The following PDSS2 variants were observed in gnomAD, a reference collection of about 807,000 sequenced individuals.
PDSS2 encodes the protein all trans-polyprenyl-diphosphate synthase PDSS2.
In PDSS2, 31 loss-of-function variants were observed where a neutral mutation model predicts 44.5. The observed-to-expected ratio is 0.70, with a 90% CI of 0.52 to 0.94. The LOEUF (loss-of-function observed/expected upper bound fraction) is 0.94, where lower values mean the gene tolerates loss of function less well. Among genes scored for constraint, PDSS2 ranks in the 40% least tolerant of loss-of-function variants. The pLI, the probability that PDSS2 is intolerant of heterozygous loss-of-function variation, is 0.00. For missense variants in PDSS2, 452 were observed against 482.2 expected, an observed-to-expected ratio of 0.94 and a Z score of 0.59; for synonymous variants, 157 against 180.3, an observed-to-expected ratio of 0.87 and a Z score of 1.03.
chr6:107,167,728 G>A (rs569612597), intron 7 of PDSS2, among the ~76,000 whole-genome samples: 152 of 152,188 alleles, frequency 1.0e-3, no homozygotes, highest in African/African-American at 3.3e-3. Flanking sequence ...CCTTCATTTC[G>A]TTATGTACCC....
At chr6:107,276,435 C>A (rs1475922200) in intron 2 of PDSS2, among the ~76,000 whole-genome samples, 2 of 152,136 alleles carry the variant, frequency 1.3e-5, no homozygotes, top group Admixed American at 1.3e-4. Context: ...GGGTGGATAA[C>A]TTGTCCTTTT....
chr6:107,339,732 G>T (rs558206878), intron 1 of PDSS2, among the ~76,000 whole-genome samples: 14 of 152,164 alleles, frequency 9.2e-5, no homozygotes, highest in Non-Finnish European at 1.9e-4. Flanking sequence ...AAACAGGTAA[G>T]GGGGGTATAT....
chr6:107,454,961 G>T (rs1781989041), intron 1 of PDSS2, among the ~76,000 whole-genome samples: 1 of 151,972 alleles, frequency 6.6e-6, no homozygotes, highest in Non-Finnish European at 1.5e-5. Flanking sequence ...CACCCCAAAA[G>T]TTTCTTCATT....
At chr6:107,176,319 G>A (rs113149706) in intron 7 of PDSS2, among the ~76,000 whole-genome samples, 3,367 of 152,048 alleles carry the variant, frequency 0.022, 123 homozygotes, top group African/African-American at 0.075. Context: ...TGGGATTACA[G>A]GTTGAGCCCC....
At chr6:107,275,148 T>C (rs1239149238) in intron 2 of PDSS2, among the ~76,000 whole-genome samples, 3 of 152,222 alleles carry the variant, frequency 2.0e-5, no homozygotes, top group Non-Finnish European at 4.4e-5. Flanking sequence ...ACTATATTTA[T>C]TACACGGGAA....
At chr6:107,196,099 CA>C (rs1421454168) in intron 6 of PDSS2, among the ~76,000 whole-genome samples, 1 of 152,102 alleles carries the variant, frequency 6.6e-6, no homozygotes, top group African/African-American at 2.4e-5. Flanking sequence ...TGCATTGTAC[CA>C]ACAGGAATAT....
intron 6 of PDSS2, among the ~76,000 whole-genome samples, chr6:107,198,936 C>T (rs1275903753): frequency 2.0e-5 from 3 of 152,178 alleles, no homozygotes; most frequent in African/African-American, 7.2e-5. Flanking sequence ...GTCAAGGCTG[C>T]AGTGAGCTGT....
intron 2 of PDSS2, among the ~76,000 whole-genome samples, chr6:107,308,707 G>A (rs966554356): frequency 2.0e-5 from 3 of 152,198 alleles, no homozygotes; most frequent in Non-Finnish European, 4.4e-5. Context: ...ATGCAAGGAC[G>A]TTGCTGCTAC....
chr6:107,340,920 T>TA (rs372182529), intron 1 of PDSS2, among the ~76,000 whole-genome samples: 37 of 152,298 alleles, frequency 2.4e-4, no homozygotes, highest in African/African-American at 8.4e-4. Flanking sequence ...ACAGACAACC[T>TA]AAAGAGTGAA....
chr6:107,257,196 GAAATA>G (rs1562413187), intron 3 of PDSS2, among the ~76,000 whole-genome samples: 1 of 148,924 alleles, frequency 6.7e-6, no homozygotes, highest in African/African-American at 2.5e-5. Context: ...AAAATAAAAT[GAAATA>G]AAATAAATCT....
intron 4 of PDSS2, among the ~76,000 whole-genome samples, chr6:107,225,775 A>C (rs1395462135): frequency 6.6e-6 from 1 of 152,174 alleles, no homozygotes; most frequent in Non-Finnish European, 1.5e-5. Flanking sequence ...TTATTGTTTC[A>C]CTTTTCAGAT....
At chr6:107,431,324 C>T (rs1345598335) in intron 1 of PDSS2, among the ~76,000 whole-genome samples, 3 of 152,212 alleles carry the variant, frequency 2.0e-5, no homozygotes, top group Non-Finnish European at 4.4e-5. Context: ...GCAATCATGG[C>T]TCACTACAGC....
At chr6:107,176,684 G>T (rs905992437) in intron 7 of PDSS2, among the ~76,000 whole-genome samples, 1 of 152,028 alleles carries the variant, frequency 6.6e-6, no homozygotes, top group Non-Finnish European at 1.5e-5. Context: ...TGAACACAAC[G>T]CAACAGCTCA....
intron 7 of PDSS2, among the ~76,000 whole-genome samples, chr6:107,191,102 A>G (rs1488966729): frequency 1.3e-5 from 2 of 152,150 alleles, no homozygotes; most frequent in Admixed American, 6.5e-5. Flanking sequence ...CGTGTTAGCC[A>G]GGATGGTCTC....
At chr6:107,363,880 G>A (rs1192524180) in intron 1 of PDSS2, among the ~76,000 whole-genome samples, 2 of 152,146 alleles carry the variant, frequency 1.3e-5, no homozygotes, top group African/African-American at 2.4e-5. Flanking sequence ...CCCCACCAGA[G>A]CAGCTAGATA....
chr6:107,333,161 T>C (rs1562467772), intron 2 of PDSS2, among the ~76,000 whole-genome samples: 1 of 152,188 alleles, frequency 6.6e-6, no homozygotes, highest in African/African-American at 2.4e-5. Context: ...TTCCTAGAAA[T>C]GCTTCTTCTT....
At chr6:107,405,390 G>T (rs978311270) in intron 1 of PDSS2, among the ~76,000 whole-genome samples, 7 of 150,130 alleles carry the variant, frequency 4.7e-5, no homozygotes, top group Non-Finnish European at 4.4e-5. Flanking sequence ...GGAAGAGAAA[G>T]AAATTAAATA....
rs369079759 is a variant in PDSS2, at chr6:107,459,063, C to T, written c.223G>A (p.Asp75Asn). Reference protein sequence around the residue: ...SFMSLRCLLSDELSNIAMQVR... With the variant: ...SFMSLRCLLSNELSNIAMQVR... The stretch of plus-strand genomic sequence containing the variant: ...TGCATAGCGATGTTGCTGAGCTCGT[C>T]GCTCAGCAGGCAGCGAAGGCTCATG... The change falls in exon 1 of 8, where the codon GAC (aspartate) becomes AAC (asparagine). Residue 75 changes from aspartate (D) to asparagine (N), a missense_variant. Asp to Asn is a conservative substitution (Grantham distance 23). Coordinates refer to ENST00000369037, the MANE Select transcript of PDSS2 (RefSeq NM_020381.4). The surrounding 1 kb of genome is among the most constrained non-coding windows in gnomAD (Gnocchi z 4.3). The T allele has an allele frequency of 6.2e-7, 1 of 1,613,832 alleles. No homozygotes were observed. Among genetic ancestry groups the T allele is most frequent in the Non-Finnish European group, 8.5e-7 (1 of 1,179,898 alleles).
At chr6:107,294,173 T>C (rs1776434293) in intron 2 of PDSS2, among the ~76,000 whole-genome samples, 1 of 152,112 alleles carries the variant, frequency 6.6e-6, no homozygotes, top group Non-Finnish European at 1.5e-5. Context: ...CAAATGTGTC[T>C]GAGGCTGGGA....
Sources: gnomAD v4.1 joint callset for allele counts (sites outside exome capture counted in the v4.1 genomes callset) on GRCh38, gnomAD v4.1.1 for gene constraint, Gnocchi (gnomAD v3.1) non-coding constraint, MANE v1.5 for transcripts, NCBI Gene and HGNC (gene_info 2026-07-23, HGNC 2026-07-21) for gene names.